The following MCU variants were observed in gnomAD, a reference collection of about 807,000 sequenced individuals.
The protein encoded by MCU is calcium uniporter protein, mitochondrial.
Under a neutral mutation model 45.2 loss-of-function variants are expected in MCU, and 12 were observed. The ratio of observed to expected loss-of-function variants is 0.27; its 90% CI spans 0.17 to 0.43. The LOEUF (loss-of-function observed/expected upper bound fraction) is 0.43. MCU is among the 20% of genes least tolerant of loss of function. MCU has a pLI of 1.00. For synonymous variants in MCU, 160 were observed against 165.1 expected (o/e 0.97, Z 0.24); for missense variants, 324 against 436.7 (o/e 0.74, Z 2.30).
chr10:72,750,975 G>GT (rs1220493224), intron 1 of MCU, among the ~76,000 whole-genome samples: 1 of 152,142 alleles, frequency 6.6e-6, no homozygotes, highest in Non-Finnish European at 1.5e-5. Context: ...TGTTTCAATA[G>GT]TTTGATATTT....
chr10:72,769,299 T>A (rs1843772404), intron 1 of MCU, among the ~76,000 whole-genome samples: 1 of 152,186 alleles, frequency 6.6e-6, no homozygotes, highest in South Asian at 2.1e-4. Context: ...TAAAACCGAG[T>A]TCTTGCTCAC....
Position 72,782,865 on chromosome 10 carries a change from G to C in MCU, c.151-51494G>C, listed in dbSNP as rs192510832. On this transcript the variant is annotated intron_variant, in intron 1 of 7. Transcript: ENST00000373053. Reference sequence around the variant, plus strand: ...GTTATTTTGATTCTAGTGCAGCTGTGTTACTGTGAGCCAACATCCTGCAGA... The same window carrying C: ...GTTATTTTGATTCTAGTGCAGCTGTCTTACTGTGAGCCAACATCCTGCAGA... Among the ~76,000 whole-genome samples the C allele has an allele frequency of 1.5e-3, 221 of 152,320 alleles. 2 individuals carry two copies. The highest frequency in any genetic ancestry group is 4.9e-3 in the African/African-American group (202 of 41,582).
intron 1 of MCU, among the ~76,000 whole-genome samples, chr10:72,833,566 C>T (rs1163123259): frequency 6.6e-6 from 1 of 152,172 alleles, no homozygotes; most frequent in East Asian, 1.9e-4. Context: ...AGGCCTGAAG[C>T]TGGTATATTG....
At chr10:72,801,355 T>TTC (rs1359323126) in intron 1 of MCU, among the ~76,000 whole-genome samples, 3 of 140,334 alleles carry the variant, frequency 2.1e-5, no homozygotes, top group African/African-American at 7.7e-5. Flanking sequence ...AATGCTTTCT[T>TTC]TTTTTTTTTT....
intron 1 of MCU, among the ~76,000 whole-genome samples, chr10:72,720,258 C>T (rs1314581130): frequency 6.6e-6 from 1 of 152,126 alleles, no homozygotes; most frequent in Non-Finnish European, 1.5e-5. Flanking sequence ...ATTCTGTGCA[C>T]CAGTCCTATA....
chr10:72,699,400 G>A (rs535266154), intron 1 of MCU, among the ~76,000 whole-genome samples: 20 of 151,856 alleles, frequency 1.3e-4, no homozygotes, highest in African/African-American at 3.9e-4. Context: ...CCAACTACTC[G>A]GGAGGCTGAG....
At chr10:72,847,776 C>T (rs1845144792) in intron 2 of MCU, among the ~76,000 whole-genome samples, 1 of 152,146 alleles carries the variant, frequency 6.6e-6, no homozygotes, top group African/African-American at 2.4e-5. Flanking sequence ...GAGGGTGCAG[C>T]CCCATGTCAG....
At chr10:72,719,302 GTCT>G (rs1842991318) in intron 1 of MCU, among the ~76,000 whole-genome samples, 1 of 152,156 alleles carries the variant, frequency 6.6e-6, no homozygotes, top group South Asian at 2.1e-4. Flanking sequence ...AGCTGTTACA[GTCT>G]TAGTCTTATT....
At chr10:72,851,545 T>C (rs1018798529) in intron 2 of MCU, among the ~76,000 whole-genome samples, 4 of 152,008 alleles carry the variant, frequency 2.6e-5, no homozygotes, top group African/African-American at 9.7e-5. Flanking sequence ...TGCTGATTGG[T>C]TGTGGATGCA....
In MCU at chr10:72,870,302, G is replaced by A. The variant is rs556375754; in HGVS notation, c.658-1075G>A. On this transcript the variant is annotated intron_variant, in intron 5 of 7. Coordinates refer to ENST00000373053, the MANE Select transcript of MCU (RefSeq NM_138357.3). Reference sequence around the variant, plus strand: ...TATTTTCTTTTCTTTTTTTTGAGACGGAGTCTCACTCTATTGCCCAGGCTG... The same window carrying A: ...TATTTTCTTTTCTTTTTTTTGAGACAGAGTCTCACTCTATTGCCCAGGCTG... Among the ~76,000 whole-genome samples, 6 of 151,820 alleles carry A rather than the reference G, an allele frequency of 4.0e-5. No individual in the cohort carries two copies. The South Asian group carries it at 6.3e-4, about 16-fold the overall frequency.
At chr10:72,778,977 T>TC (rs1244202637) in intron 1 of MCU, among the ~76,000 whole-genome samples, 3 of 152,128 alleles carry the variant, frequency 2.0e-5, no homozygotes, top group Admixed American at 1.3e-4. Context: ...ATTTTCTTTT[T>TC]CTTTTTTTTT....
At chr10:72,740,131 C>T (rs1041580179) in intron 1 of MCU, among the ~76,000 whole-genome samples, 1 of 151,916 alleles carries the variant, frequency 6.6e-6, no homozygotes, top group Non-Finnish European at 1.5e-5. Flanking sequence ...CCTGTAATCC[C>T]AGCACTTTGG....
chr10:72,836,928 C>G lies in MCU; in HGVS notation c.220+2500C>G, dbSNP rs576727674. 7.2e-5 allele frequency among the ~76,000 whole-genome samples: 11 copies of G among 152,224 alleles called. 1 individual carries two copies. The South Asian group carries it at 2.3e-3, about 32-fold the overall frequency. ...GTAACAGAAATTTCTACCATCACTC[C>G]CTGCTCTTTGTTGTGACTGTTGGTC... On this transcript the variant is annotated intron_variant, in intron 2 of 7. Transcript: ENST00000373053.
At chr10:72,831,072 CAT>C (rs1844871196) in intron 1 of MCU, among the ~76,000 whole-genome samples, 1 of 152,256 alleles carries the variant, frequency 6.6e-6, no homozygotes, top group African/African-American at 2.4e-5. Flanking sequence ...TGGCAGTGAA[CAT>C]AGAGTCCATT....
At chr10:72,744,829 G>A (rs554062278) in intron 1 of MCU, among the ~76,000 whole-genome samples, 1 of 152,324 alleles carries the variant, frequency 6.6e-6, no homozygotes, top group South Asian at 2.1e-4. Flanking sequence ...ATCATTAAAC[G>A]AATGGTTAGA....
At chr10:72,880,771 A>G (rs1421673311) in intron 6 of MCU, among the ~76,000 whole-genome samples, 1 of 152,244 alleles carries the variant, frequency 6.6e-6, no homozygotes, top group African/African-American at 2.4e-5. Flanking sequence ...CAGTGGCACA[A>G]GGACAGACCT....
intron 1 of MCU, among the ~76,000 whole-genome samples, chr10:72,741,048 T>C (rs1843321897): frequency 6.6e-6 from 1 of 152,008 alleles, no homozygotes; most frequent in Non-Finnish European, 1.5e-5. Context: ...TCAGATACAA[T>C]AGTTAATGAG....
intron 1 of MCU, among the ~76,000 whole-genome samples, chr10:72,705,621 C>T (rs1239762567): frequency 6.6e-6 from 1 of 151,864 alleles, no homozygotes; most frequent in Non-Finnish European, 1.5e-5. Flanking sequence ...AGTTCGAGAC[C>T]AGCCTGACCA....
intron 2 of MCU, among the ~76,000 whole-genome samples, chr10:72,847,338 G>A (rs1299728388): frequency 6.6e-6 from 1 of 152,128 alleles, no homozygotes; most frequent in Non-Finnish European, 1.5e-5. Flanking sequence ...ATCCTCATAG[G>A]CCACTCGTGT....
Sources: allele counts gnomAD v4.1 joint callset (sites outside exome capture counted in the v4.1 genomes callset), GRCh38; gene constraint gnomAD v4.1.1; transcripts MANE v1.5; gene names NCBI Gene and HGNC (gene_info 2026-07-23, HGNC 2026-07-21).